Variants in TONSL observed in about 807,000 individuals in gnomAD.
The protein encoded by TONSL is tonsoku like, DNA repair protein, also known as tonsoku-like protein.
A neutral mutation model predicts 147.1 loss-of-function variants in TONSL; 112 were observed. That is an observed-to-expected ratio of 0.76 (90% CI 0.65 to 0.89). The LOEUF (loss-of-function observed/expected upper bound fraction) is 0.89. Among genes scored for constraint, TONSL ranks in the 40% least tolerant of loss-of-function variants. The pLI is 0.00. For missense variants in TONSL, 1,883 were observed against 1,864.6 expected (o/e 1.01, Z -0.18); for synonymous variants, 868 against 801.5 (o/e 1.08, Z -1.40).
Position 144,431,165 on chromosome 8 carries a change from G to C in TONSL, c.3736-14C>G, listed in dbSNP as rs1554878588. On this transcript the variant is annotated splice_polypyrimidine_tract_variant and intron_variant, in intron 23 of 25. Transcript: ENST00000409379. ...AGCACAGCCTTCCTGGACATGAGCA[G>C]AGGCCCAAGGGGGCCAAACGGAGTG... is the stretch of plus-strand genomic sequence containing the variant. 6.2e-7 allele frequency: 1 copy of C among 1,613,858 alleles called. No individual in the cohort carries two copies.
In TONSL at chr8:144,436,043, C is replaced by CGG; in HGVS notation, c.2388_2389dup (p.Arg797ProfsTer47). 6.4e-7 allele frequency: 1 copy of CGG among 1,573,320 alleles called. No individual in the cohort carries two copies. The highest frequency in any genetic ancestry group is 2.3e-5 in the East Asian group (1 of 43,084). On this transcript the variant is annotated frameshift_variant, in exon 17 of 26. Coordinates refer to ENST00000409379, the MANE Select transcript of TONSL (RefSeq NM_013432.5). LOFTEE classifies it high-confidence loss of function. ...CCGGCTCTGAGCACTGCCCACACCC[C>CGG]GGATGGCTGCCTGGTAGGCTGCCCG...
In TONSL at chr8:144,442,086, G is replaced by C. The variant is rs1823741076; in HGVS notation, c.816C>G (p.Gly272=). ...KRALKKAYRL[G]SQKPVQRAAI... is the part of the protein sequence containing the mutation. ...CTGCCCTCTGCACAGGCTTCTGGGA[G>C]CCCAGCCTGTAGGCCTTCTTCAGGG... is the stretch of plus-strand genomic sequence containing the variant. The change falls in exon 7 of 26, where the codon GGC becomes GGG. Residue 272 remains glycine, a synonymous_variant. Coordinates refer to ENST00000409379, the MANE Select transcript of TONSL (RefSeq NM_013432.5). The C allele has an allele frequency of 6.2e-7, 1 of 1,612,788 alleles. No homozygotes were observed. Among genetic ancestry groups the C allele is most frequent in the African/African-American group, 1.3e-5 (1 of 75,050 alleles).
intron 7 of TONSL, 90 bp downstream of exon 7, chr8:144,441,947 G>T: frequency 1.8e-6 from 2 of 1,128,098 alleles, no homozygotes; most frequent in Non-Finnish European, 2.6e-6. Flanking sequence ...GAGGGAGAGA[G>T]CCCTGTACAC....
Position 144,435,708 on chromosome 8 carries a change from G to T in TONSL, c.2725C>A (p.Pro909Thr), listed in dbSNP as rs1391107662. The change falls in exon 17 of 26, where the codon CCC (proline) becomes ACC (threonine). Residue 909 changes from proline to threonine, a missense_variant. Coordinates refer to ENST00000409379, the MANE Select transcript of TONSL (RefSeq NM_013432.5). ...TCCCCACTGGGCTCTGAGACCCTGG[G>T]GGTGCTGGGGCTCCCTGGAGGTTCT... Reference protein sequence around the residue: ...ASEPPGSPSTPRVSEPSGDSS... With the variant: ...ASEPPGSPSTTRVSEPSGDSS... The T allele has an allele frequency of 1.2e-6, 2 of 1,611,880 alleles. No individual in the cohort carries two copies. The highest frequency in any genetic ancestry group is 1.1e-5 in the South Asian group (1 of 91,078).
intron 7 of TONSL, 47 bp downstream of exon 7, chr8:144,441,990 A>C (rs2129691811): frequency 6.4e-7 from 1 of 1,557,648 alleles, no homozygotes. Context: ...CCCCAGGCTC[A>C]CCCCTGCACA....
At chr8:144,437,778 G>C (rs1172202740) in intron 13 of TONSL, 1 of 149,568 alleles carries the variant, frequency 6.7e-6, no homozygotes, top group Non-Finnish European at 1.4e-5. Flanking sequence ...TAATATTTTT[G>C]TATTTTTAGT....
At chr8:144,431,824 TTTTC>T (rs200496181) in intron 23 of TONSL, among the ~76,000 whole-genome samples, 2,041 of 134,698 alleles carry the variant, frequency 0.015, 20 homozygotes, top group Non-Finnish European at 0.021. Flanking sequence ...GTTTTTTTCT[TTTTC>T]TTTCTTTTTT....
intron 13 of TONSL, 197 bp downstream of exon 13, chr8:144,438,267 ATCGCGAC>A: frequency 3.3e-6 from 2 of 607,124 alleles, no homozygotes; most frequent in Non-Finnish European, 5.9e-6. Flanking sequence ...CAGTGGCATG[ATCGCGAC>A]TCCTGCAGCC....
At chr8:144,431,312 G>C (rs781786915) in intron 23 of TONSL, among the ~76,000 whole-genome samples, 161 bp from the exon 24 acceptor site, 33 of 152,172 alleles carry the variant, frequency 2.2e-4, no homozygotes, top group Non-Finnish European at 4.0e-4. Flanking sequence ...GTCACACTCT[G>C]CACGTGATAG....
intron 9 of TONSL, 72 bp from the exon 10 acceptor site, chr8:144,440,548 C>G: frequency 1.3e-6 from 2 of 1,533,846 alleles, no homozygotes; most frequent in Middle Eastern, 1.9e-4. Flanking sequence ...CAAGCTTCCC[C>G]GGCTGCCCAG....
In TONSL at chr8:144,435,116, G is replaced by T; in HGVS notation, c.2907C>A (p.Tyr969Ter). Reference protein sequence around the residue: ...WLAEQAAQRYYQTCGLLPRLT... With the variant: ...WLAEQAAQRY The stretch of plus-strand genomic sequence containing the variant: ...GCCTGGGCAGCAGCCCGCAGGTCTG[G>T]TAGTAGCGCTGGGCCGCCTGCTCGG... The change falls in exon 19 of 26, where the codon TAC (tyrosine) becomes TAA (stop). Residue 969 changes from tyrosine to a stop codon, truncating the protein, a stop_gained. Coordinates refer to ENST00000409379, the MANE Select transcript of TONSL (RefSeq NM_013432.5). LOFTEE classifies it high-confidence loss of function. The T allele has an allele frequency of 6.3e-7, 1 of 1,594,574 alleles. No individual in the cohort carries two copies.
At chr8:144,431,852 C>G (rs1269276303) in intron 23 of TONSL, among the ~76,000 whole-genome samples, 1 of 136,534 alleles carries the variant, frequency 7.3e-6, no homozygotes, top group South Asian at 2.3e-4. Flanking sequence ...TTTTTTGAGA[C>G]GGAATCTCGC....
intron 6 of TONSL, 35 bp downstream of exon 6, chr8:144,442,206 G>A (rs377705740): frequency 1.4e-5 from 22 of 1,591,400 alleles, no homozygotes; most frequent in African/African-American, 8.1e-5. Context: ...CCGAATCTAC[G>A]AGAGCCTGAG....
chr8:144,441,137 G>A (rs1319112213), intron 7 of TONSL, 26 bp from the exon 8 acceptor site: 1 of 1,609,988 alleles, frequency 6.2e-7, no homozygotes, highest in African/African-American at 1.3e-5. Flanking sequence ...TCATGCAGGG[G>A]GGCAGCACAG....
rs1205649435 is a variant in TONSL at position 144,442,233 on chromosome 8, G to A, written c.750+8C>T. 3 of 1,588,334 alleles carry A rather than the reference G, an allele frequency of 1.9e-6. No individual in the cohort carries two copies. The highest frequency in any genetic ancestry group is 1.3e-5 in the African/African-American group (1 of 74,362). On this transcript the variant is annotated splice_region_variant and intron_variant, in intron 6 of 25. Transcript: ENST00000409379. ...GAGCCTGAGCTCGGAGCCACGCACA[G>A]CGGGTACCTGTGCAATAACCACGCA...
In TONSL at chr8:144,442,681, C is replaced by T. The variant is rs1213545132; in HGVS notation, c.574G>A (p.Ala192Thr). The T allele has an allele frequency of 6.2e-7, 1 of 1,612,530 alleles. No homozygotes were observed. Among genetic ancestry groups the T allele is most frequent in the Non-Finnish European group, 8.5e-7 (1 of 1,179,746 alleles). Reference sequence around the variant, plus strand: ...TGGGGCGGGGCAGGGCCTTACTCCGCAAGGAAGATGCTCTTCCTGAAGTAA... The same window carrying T: ...TGGGGCGGGGCAGGGCCTTACTCCGTAAGGAAGATGCTCTTCCTGAAGTAA... Reference protein sequence around the residue: ...NDYFRKSIFLAEQNHLYEDLF... With the variant: ...NDYFRKSIFLTEQNHLYEDLF... Residue 192 changes from alanine to threonine, a missense_variant, in exon 5 of 26, where the codon GCG (alanine) becomes ACG (threonine). By Grantham distance (58) the Ala-to-Thr change is moderately conservative. Coordinates refer to ENST00000409379, the MANE Select transcript of TONSL (RefSeq NM_013432.5).
chr8:144,435,779 T>A lies in TONSL; in HGVS notation c.2654A>T (p.Gln885Leu). The change falls in exon 17 of 26, where the codon CAG (glutamine) becomes CTG (leucine). Residue 885 changes from glutamine to leucine, a missense_variant. Physicochemically the swap from Gln to Leu is moderately radical, Grantham distance 113. Transcript: ENST00000409379. The part of the protein sequence containing the change: ...RAKQVRLTCM[Q>L]SCSAPVNAGP... ...TGCGTTAACTGGCGCACTGCAACTC[T>A]GCATGCAGGTCAGGCGGACCTGCTT... is the stretch of plus-strand genomic sequence containing the variant. 2 of 1,612,854 alleles carry A rather than the reference T, an allele frequency of 1.2e-6. 1 individual carries two copies. The highest frequency in any genetic ancestry group is 2.2e-5 in the South Asian group (2 of 91,086).
intron 1 of TONSL, 55 bp from the exon 2 acceptor site, chr8:144,444,330 G>A: frequency 7.5e-7 from 1 of 1,326,818 alleles, no homozygotes; most frequent in South Asian, 2.0e-5. Context: ...GGCCGGGGCC[G>A]AGTCCCAAGC....
intron 23 of TONSL, among the ~76,000 whole-genome samples, chr8:144,431,633 C>T (rs945558351): frequency 2.6e-5 from 4 of 151,812 alleles, no homozygotes; most frequent in African/African-American, 7.3e-5. Context: ...TCCTGCCTGT[C>T]TCCCAAGTAG....
Sources: allele counts gnomAD v4.1 joint callset (sites outside exome capture counted in the v4.1 genomes callset), GRCh38; gene constraint gnomAD v4.1.1; transcripts MANE v1.5; gene names NCBI Gene and HGNC (gene_info 2026-07-23, HGNC 2026-07-21).